Variants in SRMS observed in about 807,000 individuals in gnomAD.
The protein encoded by SRMS is src-related kinase lacking C-terminal regulatory tyrosine and N-terminal myristylation sites.
A neutral mutation model predicts 43.5 loss-of-function variants in SRMS; 42 were observed. The observed-to-expected ratio is 0.97, with a 90% confidence interval of 0.75 to 1.25. The LOEUF (loss-of-function observed/expected upper bound fraction) is 1.25, where lower values mean the gene tolerates loss of function less well. Among genes scored for constraint, SRMS ranks in the 50% most tolerant of loss-of-function variants. SRMS has a pLI of 0.00. For synonymous variants in SRMS, 316 were observed against 308.2 expected, an observed-to-expected ratio of 1.03 and a Z score of -0.27; for missense variants, 703 against 681.0, an observed-to-expected ratio of 1.03 and a Z score of -0.36.
At chr20:63,542,746 C>T (rs1254856345) in intron 3 of SRMS, among the ~76,000 whole-genome samples, 165 bp from the exon 4 acceptor site, 1 of 152,218 alleles carries the variant, frequency 6.6e-6, no homozygotes, top group Non-Finnish European at 1.5e-5. Context: ...GGAGGCCCGG[C>T]CCAGCCCCGT....
chr20:63,546,368 C>T (rs1452387860), intron 1 of SRMS, among the ~76,000 whole-genome samples: 1 of 152,208 alleles, frequency 6.6e-6, no homozygotes, highest in Non-Finnish European at 1.5e-5. Context: ...AGGCTGACCC[C>T]GAAGGTCTCC....
In SRMS at chr20:63,539,997, T is replaced by C. The variant is rs886440531; in HGVS notation, c.*821A>G. Reference sequence around the variant, plus strand: ...TGGGGCTCACGCTCTCTGGGCACCATGATGTCCTGGGCTGGGGGTCCGGGC... The same window carrying C: ...TGGGGCTCACGCTCTCTGGGCACCACGATGTCCTGGGCTGGGGGTCCGGGC... On this transcript the variant is annotated 3_prime_UTR_variant, in exon 8 of 8. Coordinates refer to ENST00000217188, the MANE Select transcript of SRMS (RefSeq NM_080823.4). Among the ~76,000 whole-genome samples the C allele has an allele frequency of 2.0e-5, 3 of 152,168 alleles. No homozygotes were observed. The highest frequency in any genetic ancestry group is 7.2e-5 in the African/African-American group (3 of 41,442).
intron 1 of SRMS, 74 bp downstream of exon 1, chr20:63,547,034 C>G: frequency 7.4e-7 from 1 of 1,346,212 alleles, no homozygotes; most frequent in Non-Finnish European, 1.0e-6. Context: ...ATTTCCAACT[C>G]AAAATCCTGC....
Position 63,541,528 on chromosome 20 carries a change from C to T in SRMS, c.1039G>A (p.Val347Met), listed in dbSNP as rs1239621360. The T allele has an allele frequency of 3.8e-6, 6 of 1,599,142 alleles. No individual in the cohort carries two copies. The highest frequency in any genetic ancestry group is 5.1e-6 in the Non-Finnish European group (6 of 1,174,674). The stretch of plus-strand genomic sequence containing the variant: ...TTCCGGGCGGCCAAGTCCCGGTGCA[C>T]AACGCGCTGCTCCTCCAGGTAGCTC... The part of the protein sequence containing the change: ...GMSYLEEQRV[V>M]HRDLAARNVL... Residue 347 changes from valine to methionine, a missense_variant, in exon 6 of 8, where the codon GTG becomes ATG. Transcript: ENST00000217188.
rs1214540180 is a variant in SRMS, at chr20:63,547,359, G to A, written c.105C>T (p.Asp35=). ...GCGTGGGCACTGGGTCAGTGTTGGG[G>A]TCCAGGGACCCGGGGGTGCCATGGT... The part of the protein sequence containing the change: ...EPDHGTPGSL[D]PNTDPVPTLP... The change falls in exon 1 of 8, where the codon GAC becomes GAT. Residue 35 remains aspartate, a synonymous_variant. Transcript: ENST00000217188. 11 of 1,583,388 alleles carry A rather than the reference G, an allele frequency of 6.9e-6. No homozygotes were observed. The highest frequency in any genetic ancestry group is 9.4e-6 in the Non-Finnish European group (11 of 1,164,768).
chr20:63,540,524 C>T lies in SRMS; in HGVS notation c.*294G>A, dbSNP rs908038933. On this transcript the variant is annotated 3_prime_UTR_variant, in exon 8 of 8. Transcript: ENST00000217188. The stretch of plus-strand genomic sequence containing the variant: ...CGTCAGCCCCAGCCCTCCGTCTGCA[C>T]GAGTCACACTGCACGGGGAACGTCA... Among the ~76,000 whole-genome samples the T allele has an allele frequency of 6.6e-5, 10 of 152,158 alleles. No homozygotes were observed. The highest frequency in any genetic ancestry group is 2.1e-4 in the South Asian group (1 of 4,816).
Position 63,540,451 on chromosome 20 carries a change from G to A in SRMS, c.*367C>T, listed in dbSNP as rs868490308. The stretch of plus-strand genomic sequence containing the variant: ...AGGCTTCTACCCACCCTCCTGTGCC[G>A]TTGTCTCTCTTGAGAGGCCAGGGAC... On this transcript the variant is annotated 3_prime_UTR_variant, in exon 8 of 8. Coordinates refer to ENST00000217188, the MANE Select transcript of SRMS (RefSeq NM_080823.4). 2.0e-5 allele frequency among the ~76,000 whole-genome samples: 3 copies of A among 151,862 alleles called. No homozygotes were observed. The highest frequency in any genetic ancestry group is 6.5e-5 in the Admixed American group (1 of 15,268).
rs577283413 is a variant in SRMS, at chr20:63,542,100, G to A, written c.946+63C>T. On this transcript the variant is annotated intron_variant, in intron 5 of 7. Coordinates refer to ENST00000217188, the MANE Select transcript of SRMS (RefSeq NM_080823.4). ...GGAAACCCCGCAGGTTCAGCTCTGCGCCAGGAGGGAAGGGGCGGTCGCAGG... is the reference window on the plus strand; with the variant it reads ...GGAAACCCCGCAGGTTCAGCTCTGCACCAGGAGGGAAGGGGCGGTCGCAGG... 2.1e-4 allele frequency: 334 copies of A among 1,562,144 alleles called. 9 individuals carry two copies. In the South Asian group the frequency reaches 3.6e-3, roughly 17 times the overall value.
rs560532244 is a variant in SRMS at position 63,547,143 on chromosome 20, C to T, written c.321G>A (p.Val107=). ...PSAGLVPITH[V]AKASPETLSD... ...AGAGCGTCTCAGGAGAAGCCTTGGC[C>T]ACGTGGGTGATGGGCACGAGCCCGG... The change falls in exon 1 of 8, where the codon GTG becomes GTA. Residue 107 remains valine, a synonymous_variant. Coordinates refer to ENST00000217188, the MANE Select transcript of SRMS (RefSeq NM_080823.4). The T allele has an allele frequency of 6.2e-7, 1 of 1,605,492 alleles. No individual in the cohort carries two copies. Among genetic ancestry groups the T allele is most frequent in the East Asian group, 2.2e-5 (1 of 44,720 alleles).
chr20:63,543,408 C>CCCTTCTGCAGGTAGAGGCTG lies in SRMS; in HGVS notation c.531_550dup (p.Gly184AlafsTer27). ...CTCCTCCAGGCCGGGAAAGAGCCGTCCCTTCTGCAGGTAGAGGCTGCCATC... is the reference window on the plus strand; with the variant it reads ...CTCCTCCAGGCCGGGAAAGAGCCGTCCCTTCTGCAGGTAGAGGCTGCCTTCTGCAGGTAGAGGCTGCCATC... On this transcript the variant is annotated frameshift_variant, in exon 3 of 8. Coordinates refer to ENST00000217188, the MANE Select transcript of SRMS (RefSeq NM_080823.4). LOFTEE classifies it high-confidence loss of function. The CCCTTCTGCAGGTAGAGGCTG allele has an allele frequency of 6.2e-7, 1 of 1,612,852 alleles. No homozygotes were observed. The highest frequency in any genetic ancestry group is 1.1e-5 in the South Asian group (1 of 91,090).
chr20:63,544,154 G>T, intron 2 of SRMS, 73 bp downstream of exon 2: 1 of 1,366,346 alleles, frequency 7.3e-7, no homozygotes. Flanking sequence ...GCACTGCCTA[G>T]AGACCAACCA....
In SRMS at chr20:63,541,008, C is replaced by G; in HGVS notation, c.1286-9G>C. ...CTCGTGGTTGGTCATCCCTGGGAGG[C>G]GCGGGGCAAGAGCTGCCTCGATTCT... On this transcript the variant is annotated splice_polypyrimidine_tract_variant and intron_variant, in intron 7 of 7. Transcript: ENST00000217188. 6.2e-7 allele frequency: 1 copy of G among 1,608,194 alleles called. No individual in the cohort carries two copies. The highest frequency in any genetic ancestry group is 8.5e-7 in the Non-Finnish European group (1 of 1,179,262).
In SRMS at chr20:63,543,468, G is replaced by A; in HGVS notation, c.491C>T (p.Ala164Val). 1.2e-6 allele frequency: 2 copies of A among 1,612,758 alleles called. No homozygotes were observed. Among genetic ancestry groups the A allele is most frequent in the Non-Finnish European group, 1.7e-6 (2 of 1,179,914 alleles). Residue 164 changes from alanine to valine, a missense_variant, in exon 3 of 8, where the codon GCC becomes GTC. Transcript: ENST00000217188. ...GGYSLSVRAQ[A>V]KVCHYRVSMA... ...GGAGACCCGGTAGTGGCAGACCTTGGCCTGGGCCCGGACTAGGAAGGGTTC... is the reference window on the plus strand; with the variant it reads ...GGAGACCCGGTAGTGGCAGACCTTGACCTGGGCCCGGACTAGGAAGGGTTC...
chr20:63,543,216 G>T, intron 3 of SRMS, 98 bp downstream of exon 3: 1 of 1,459,076 alleles, frequency 6.9e-7, no homozygotes, highest in South Asian at 1.3e-5. Context: ...CTGCGCCTCT[G>T]ACAGCCCCAG....
Position 63,543,337 on chromosome 20 carries a change from G to A in SRMS, c.622C>T (p.Leu208=). ...ACCTGGGGCATGCAGGGCTGCAGCA[G>A]GGGGTTCTGGATCAGCTTCCAGTTG... ...KANWKLIQNP[L]LQPCMPQKAP... is the part of the protein sequence containing the mutation. The change falls in exon 3 of 8, where the codon CTG becomes TTG. Residue 208 remains leucine, a synonymous_variant. Coordinates refer to ENST00000217188, the MANE Select transcript of SRMS (RefSeq NM_080823.4). 6.2e-7 allele frequency: 1 copy of A among 1,612,668 alleles called. No individual in the cohort carries two copies. The highest frequency in any genetic ancestry group is 8.5e-7 in the Non-Finnish European group (1 of 1,179,940).
In SRMS at chr20:63,541,100, C is replaced by T. The variant is rs367598187; in HGVS notation, c.1285+91G>A. The T allele has an allele frequency of 2.5e-5, 39 of 1,566,658 alleles. No individual in the cohort carries two copies. The South Asian group carries it at 4.4e-4, about 18-fold the overall frequency. The stretch of plus-strand genomic sequence containing the variant: ...TGTCATCTGCCTGCCCTTGGCCAGA[C>T]CCTCCAACCCCTTGCCGACAGCGTC... On this transcript the variant is annotated intron_variant, in intron 7 of 7. Transcript: ENST00000217188.
rs958925105 is a variant in SRMS, at chr20:63,540,861, G to A, written c.1424C>T (p.Thr475Met). ...SSPEERPSFA[T>M]LREKLHAIHR... ...GATGGCGTGCAGCTTCTCCCGCAGC[G>A]TGGCGAAGGAGGGCCGTTCCTCGGG... The change falls in exon 8 of 8, where the codon ACG becomes ATG. Residue 475 changes from threonine to methionine, a missense_variant. Coordinates refer to ENST00000217188, the MANE Select transcript of SRMS (RefSeq NM_080823.4). The A allele has an allele frequency of 1.6e-5, 26 of 1,605,878 alleles. No individual in the cohort carries two copies. Among genetic ancestry groups the A allele is most frequent in the South Asian group, 2.2e-5 (2 of 91,038 alleles).
At chr20:63,543,099 T>A (rs1417673244) in intron 3 of SRMS, among the ~76,000 whole-genome samples, 1 of 152,060 alleles carries the variant, frequency 6.6e-6, no homozygotes, top group Non-Finnish European at 1.5e-5. Context: ...CCCAGCCCCC[T>A]AGGACCCCAG....
At chr20:63,543,197 G>T (rs2082713414) in intron 3 of SRMS, 117 bp downstream of exon 3, 1 of 1,277,690 alleles carries the variant, frequency 7.8e-7, no homozygotes, top group Non-Finnish European at 1.1e-6. Flanking sequence ...CCTGGGCAGG[G>T]CCCTGGAGCT....
Sources: allele counts gnomAD v4.1 joint callset (sites outside exome capture counted in the v4.1 genomes callset), GRCh38; gene constraint gnomAD v4.1.1; transcripts MANE v1.5; gene names NCBI Gene and HGNC (gene_info 2026-07-23, HGNC 2026-07-21).